The following EPHA3 variants were observed in gnomAD, a reference collection of about 807,000 sequenced individuals.
EPHA3 encodes ephrin type-A receptor 3.
In EPHA3, 42 loss-of-function variants were observed where a neutral mutation model predicts 107.1. The ratio of observed to expected loss-of-function variants is 0.39; its 90% CI spans 0.31 to 0.51. EPHA3 has a LOEUF of 0.51. Ranked by LOEUF, EPHA3 falls within the 20% of genes least tolerant of loss-of-function variation. The pLI, the probability that EPHA3 is intolerant of heterozygous loss-of-function variation, is 0.78. For missense variants in EPHA3, 1,183 were observed against 1,211.2 expected (o/e 0.98, Z 0.35); for synonymous variants, 461 against 424.8 (o/e 1.09, Z -1.05).
chr3:89,366,268 A>G (rs1708182621), intron 5 of EPHA3, among the ~76,000 whole-genome samples: 1 of 150,642 alleles, frequency 6.6e-6, no homozygotes. Context: ...ACCAACAGGC[A>G]GAGGGGAATA....
At position 89,210,149 on chromosome 3, in the gene EPHA3, C is replaced by G. The variant is rs1230871085; in HGVS notation, c.443C>G (p.Ala148Gly). 1.2e-6 allele frequency: 2 copies of G among 1,613,932 alleles called. No homozygotes were observed. Among genetic ancestry groups the G allele is most frequent in the Non-Finnish European group, 1.7e-6 (2 of 1,179,896 alleles). ...HQFTKIDTIA[A>G]DESFTQMDLG... ...TTTACAAAGATTGACACCATTGCAG[C>G]TGATGAAAGTTTCACTCAAATGGAT... The change falls in exon 3 of 17, where the codon GCT becomes GGT. Residue 148 changes from alanine (A) to glycine (G), a missense_variant. Coordinates refer to ENST00000336596, the MANE Select transcript of EPHA3 (RefSeq NM_005233.6).
intron 3 of EPHA3, among the ~76,000 whole-genome samples, chr3:89,329,511 CT>C: frequency 6.6e-6 from 1 of 152,170 alleles, no homozygotes; most frequent in East Asian, 1.9e-4. Flanking sequence ...ATTTTCTCAT[CT>C]TTTCTCCCAT....
At chr3:89,242,789 A>T (rs1255442980) in intron 3 of EPHA3, among the ~76,000 whole-genome samples, 1 of 151,632 alleles carries the variant, frequency 6.6e-6, no homozygotes, top group African/African-American at 2.4e-5. Context: ...GTTTTAGGGT[A>T]CATGTGCACA....
chr3:89,191,276 ATATTTT>A (rs1269299367), intron 2 of EPHA3, among the ~76,000 whole-genome samples: 1 of 151,520 alleles, frequency 6.6e-6, no homozygotes, highest in Non-Finnish European at 1.5e-5. Context: ...AACTAGTATT[ATATTTT>A]TATTTTTATT....
intron 2 of EPHA3, among the ~76,000 whole-genome samples, chr3:89,198,960 A>C (rs1344282658): frequency 6.6e-6 from 1 of 152,216 alleles, no homozygotes; most frequent in African/African-American, 2.4e-5. Context: ...TTTCCTCATT[A>C]TCTTCAAGCA....
intron 2 of EPHA3, among the ~76,000 whole-genome samples, chr3:89,190,788 G>T (rs1305991588): frequency 1.3e-5 from 2 of 152,116 alleles, no homozygotes; most frequent in African/African-American, 4.8e-5. Context: ...GCTTATAAAT[G>T]GCTGTCTTCT....
intron 2 of EPHA3, among the ~76,000 whole-genome samples, chr3:89,192,422 A>G (rs971301815): frequency 4.6e-5 from 7 of 152,026 alleles, no homozygotes; most frequent in African/African-American, 1.4e-4. Flanking sequence ...GCAGGAAACT[A>G]TAATAATAAA....
rs1262037812 is a variant in EPHA3 at position 89,209,942 on chromosome 3, A to G, written c.236A>G (p.Asn79Ser). The G allele has an allele frequency of 1.2e-6, 2 of 1,613,762 alleles. No homozygotes were observed. Among genetic ancestry groups the G allele is most frequent in the Non-Finnish European group, 1.7e-6 (2 of 1,179,918 alleles). Residue 79 changes from asparagine to serine, a missense_variant, in exon 3 of 17, where the codon AAC (asparagine) becomes AGC (serine). By Grantham distance (46) the Asn-to-Ser change is conservative. Coordinates refer to ENST00000336596, the MANE Select transcript of EPHA3 (RefSeq NM_005233.6). ...TGCAATGTCATGGACCACAGTCAAA[A>G]CAATTGGCTGAGAACAAACTGGGTC... ...QVCNVMDHSQ[N>S]NWLRTNWVPR...
chr3:89,229,466 G>A (rs1704576931), intron 3 of EPHA3, among the ~76,000 whole-genome samples: 1 of 150,206 alleles, frequency 6.7e-6, no homozygotes, highest in Non-Finnish European at 1.5e-5. Context: ...ATCTTAAATG[G>A]GAAAAAAGCC....
chr3:89,325,103 G>A (rs1707136402), intron 3 of EPHA3, among the ~76,000 whole-genome samples: 1 of 152,038 alleles, frequency 6.6e-6, no homozygotes, highest in Admixed American at 6.6e-5. Flanking sequence ...ACCACTGATG[G>A]GCACCTCGGT....
intron 5 of EPHA3, among the ~76,000 whole-genome samples, chr3:89,348,267 C>A (rs1170282391): frequency 6.1e-4 from 84 of 137,920 alleles, no homozygotes; most frequent in African/African-American, 2.3e-3. Context: ...GGTTGGTAAA[C>A]TATTGATTAT....
intron 3 of EPHA3, among the ~76,000 whole-genome samples, chr3:89,290,098 G>A (rs1444054693): frequency 1.3e-5 from 2 of 152,034 alleles, no homozygotes; most frequent in Non-Finnish European, 2.9e-5. Flanking sequence ...GCTTCTTGTT[G>A]GACGGTTCTT....
chr3:89,351,153 A>C (rs1362786624), intron 5 of EPHA3, among the ~76,000 whole-genome samples: 6 of 151,242 alleles, frequency 4.0e-5, no homozygotes, highest in Admixed American at 2.0e-4. Flanking sequence ...ACCCAGTTCG[A>C]GCTTCCCCGC....
chr3:89,135,633 A>G (rs1233886309), intron 2 of EPHA3, among the ~76,000 whole-genome samples: 1 of 151,746 alleles, frequency 6.6e-6, no homozygotes, highest in Non-Finnish European at 1.5e-5. Flanking sequence ...TCTTATATAT[A>G]AACGCATATA....
chr3:89,449,306 T>C lies in EPHA3; in HGVS notation c.2428T>C (p.Tyr810His), dbSNP rs1283969718. 1.9e-6 allele frequency: 3 copies of C among 1,612,862 alleles called. No homozygotes were observed. ...CACGTCAGCCAGCGATGTATGGAGT[T>C]ATGGGATTGTTCTCTGGGAGGTGAT... ...KFTSASDVWS[Y>H]GIVLWEVMSY... The change falls in exon 14 of 17, where the codon TAT (tyrosine) becomes CAT (histidine). Residue 810 changes from tyrosine (Y) to histidine (H), a missense_variant. Tyr to His is a moderately conservative substitution (Grantham distance 83). Coordinates refer to ENST00000336596, the MANE Select transcript of EPHA3 (RefSeq NM_005233.6).
At position 89,267,388 on chromosome 3, in the gene EPHA3, T is replaced by G. The variant is rs372355142; in HGVS notation, c.814+56868T>G. On this transcript the variant is annotated intron_variant, in intron 3 of 16. Transcript: ENST00000336596. ...TTAATTATCCTTGGCTATTTTACACTGTGGCTAATTCAGATGTTACTCTCT... is the reference window on the plus strand; with the variant it reads ...TTAATTATCCTTGGCTATTTTACACGGTGGCTAATTCAGATGTTACTCTCT... Among the ~76,000 whole-genome samples the G allele has an allele frequency of 1.5e-3, 222 of 152,288 alleles. 2 individuals are homozygous for G. The highest frequency in any genetic ancestry group is 6.8e-3 in the Middle Eastern group (2 of 292).
chr3:89,208,713 A>G (rs1213913239), intron 2 of EPHA3, among the ~76,000 whole-genome samples: 4 of 152,150 alleles, frequency 2.6e-5, no homozygotes, highest in Non-Finnish European at 4.4e-5. Flanking sequence ...TTACATTGAC[A>G]ATAATATAAT....
intron 3 of EPHA3, among the ~76,000 whole-genome samples, chr3:89,239,419 GAAT>G (rs1431593218): frequency 2.0e-5 from 3 of 152,052 alleles, no homozygotes; most frequent in African/African-American, 4.8e-5. Context: ...CAAGCCAACA[GAAT>G]AATAATGACA....
chr3:89,269,369 A>G (rs939360277), intron 3 of EPHA3, among the ~76,000 whole-genome samples: 1 of 152,080 alleles, frequency 6.6e-6, no homozygotes, highest in Non-Finnish European at 1.5e-5. Flanking sequence ...TTAAAAATGC[A>G]AATCCTTGGT....
Sources: allele counts gnomAD v4.1 joint callset (sites outside exome capture counted in the v4.1 genomes callset), GRCh38; gene constraint gnomAD v4.1.1; transcripts MANE v1.5; gene names NCBI Gene and HGNC (gene_info 2026-07-23, HGNC 2026-07-21).